The following ASIC2 variants were observed in gnomAD, a reference collection of about 807,000 sequenced individuals.
ASIC2 encodes the protein acid sensing ion channel subunit 2.
In ASIC2, 25 loss-of-function variants were observed where a neutral mutation model predicts 57.3. That is an observed-to-expected ratio of 0.44 (90% CI 0.32 to 0.61). The LOEUF is 0.61. Ranked by LOEUF, ASIC2 falls within the 20% of genes least tolerant of loss-of-function variation. The pLI is 0.06. For missense variants in ASIC2, 641 were observed against 738.1 expected, an observed-to-expected ratio of 0.87 and a Z score of 1.52; for synonymous variants, 319 against 307.5, an observed-to-expected ratio of 1.04 and a Z score of -0.39.
At chr17:33,232,446 A>AAAGGT in intron 1 of ASIC2, among the ~76,000 whole-genome samples, 1 of 128,034 alleles carries the variant, frequency 7.8e-6, no homozygotes, top group Admixed American at 7.7e-5. Context: ...TATGGTATGG[A>AAAGGT]ATGGTATGGT....
At chr17:33,119,314 C>T (rs747206442) in intron 1 of ASIC2, among the ~76,000 whole-genome samples, 11 of 152,294 alleles carry the variant, frequency 7.2e-5, no homozygotes, top group Admixed American at 2.6e-4. Context: ...GAGTCAATTC[C>T]GCTTTCTTCT....
intron 1 of ASIC2, among the ~76,000 whole-genome samples, chr17:34,050,285 G>A (rs1214898980): frequency 2.0e-5 from 3 of 152,150 alleles, no homozygotes; most frequent in Non-Finnish European, 4.4e-5. Flanking sequence ...GCAGAAAACG[G>A]AGCTATTTTT....
intron 4 of ASIC2, 32 bp from the exon 5 acceptor site, chr17:33,026,014 C>T (rs763222664): frequency 4.4e-6 from 7 of 1,608,766 alleles, no homozygotes; most frequent in East Asian, 2.2e-5. Flanking sequence ...CAGAGTTACT[C>T]AGGCAGGAAC....
At chr17:34,142,098 C>G (rs557109682) in intron 1 of ASIC2, among the ~76,000 whole-genome samples, 1 of 152,304 alleles carries the variant, frequency 6.6e-6, no homozygotes, top group South Asian at 2.1e-4. Flanking sequence ...GCCATCTTGG[C>G]CCAAACTTTA....
chr17:33,967,209 A>G (rs569901870), intron 1 of ASIC2, among the ~76,000 whole-genome samples: 2 of 151,988 alleles, frequency 1.3e-5, no homozygotes, highest in South Asian at 2.1e-4. Context: ...ACCATTCCCT[A>G]TTACCCACCT....
intron 1 of ASIC2, among the ~76,000 whole-genome samples, chr17:33,899,173 G>T (rs920089630): frequency 1.9e-4 from 29 of 150,536 alleles, no homozygotes; most frequent in Non-Finnish European, 5.9e-5. Context: ...AAGAGAAGTT[G>T]TAAAAAAGTT....
chr17:33,025,999 C>T lies in ASIC2; in HGVS notation c.1139-17G>A, dbSNP rs759574448. 1 of 1,613,110 alleles carries T rather than the reference C, an allele frequency of 6.2e-7. No individual in the cohort carries two copies. The highest frequency in any genetic ancestry group is 8.5e-7 in the Non-Finnish European group (1 of 1,179,478). On this transcript the variant is annotated splice_polypyrimidine_tract_variant and intron_variant, in intron 4 of 9. Coordinates refer to ENST00000225823, the MANE Select transcript of ASIC2 (RefSeq NM_183377.2). ...GGGCATCCCCTGCAAAGAAGAAACACCAGACAGAGTTACTCAGGCAGGAAC... is the reference window on the plus strand; with the variant it reads ...GGGCATCCCCTGCAAAGAAGAAACATCAGACAGAGTTACTCAGGCAGGAAC...
chr17:33,088,374 C>T (rs562660069), intron 3 of ASIC2, among the ~76,000 whole-genome samples: 3 of 152,264 alleles, frequency 2.0e-5, no homozygotes, highest in Middle Eastern at 3.4e-3. Context: ...GCTGAGGTCC[C>T]CTCCCCAGCG....
intron 3 of ASIC2, among the ~76,000 whole-genome samples, chr17:33,066,123 C>T (rs2092042471): frequency 6.6e-6 from 1 of 152,178 alleles, no homozygotes; most frequent in African/African-American, 2.4e-5. Context: ...TCCAGCGAGT[C>T]CTTTCCCCGT....
intron 1 of ASIC2, among the ~76,000 whole-genome samples, chr17:33,869,369 C>T (rs1313828475): frequency 6.6e-6 from 1 of 152,162 alleles, no homozygotes; most frequent in African/African-American, 2.4e-5. Context: ...TCAAAACTGA[C>T]CCAGCAAGTC....
intron 1 of ASIC2, among the ~76,000 whole-genome samples, chr17:33,877,573 C>A (rs1178590138): frequency 6.6e-6 from 1 of 152,222 alleles, no homozygotes; most frequent in Non-Finnish European, 1.5e-5. Context: ...GGGCACCCGC[C>A]ATTGCCCAGG....
intron 3 of ASIC2, among the ~76,000 whole-genome samples, chr17:33,067,216 C>G (rs1360492377): frequency 6.6e-6 from 1 of 152,150 alleles, no homozygotes; most frequent in Non-Finnish European, 1.5e-5. Context: ...ATTCTACTTT[C>G]AAGGAAGGAT....
At chr17:33,799,893 C>T (rs1403685022) in intron 1 of ASIC2, among the ~76,000 whole-genome samples, 2 of 152,086 alleles carry the variant, frequency 1.3e-5, no homozygotes, top group South Asian at 2.1e-4. Flanking sequence ...CTATCTGGGT[C>T]CCCACAAATA....
Position 33,292,086 on chromosome 17 carries a change from G to A in ASIC2, c.30C>T (p.Pro10=), listed in dbSNP as rs1291927943. Residue 10 remains proline, a synonymous_variant, in exon 1 of 10, where the codon CCC becomes CCT. Coordinates refer to ENST00000225823, the MANE Select transcript of ASIC2 (RefSeq NM_183377.2). Reference sequence around the variant, plus strand: ...GTCCCGGGCCGGTGAGCGCGGCTGCGGGCAGCCCGGCTCCGCCAATCCGGC... The same window carrying A: ...GTCCCGGGCCGGTGAGCGCGGCTGCAGGCAGCCCGGCTCCGCCAATCCGGC... MSRIGGAGL[P]AAALTGPGRF... 1 of 1,055,178 alleles carries A rather than the reference G, an allele frequency of 9.5e-7. No individual in the cohort carries two copies. Among genetic ancestry groups the A allele is most frequent in the East Asian group, 7.6e-5 (1 of 13,180 alleles). 65.4% of individuals were successfully genotyped at this position (1,055,178 alleles called of 1,614,324 possible). A position where few individuals can be genotyped will look rare whatever the true frequency, so the allele number is the denominator to read the frequency against.
At chr17:33,136,161 T>A (rs979790389) in intron 1 of ASIC2, among the ~76,000 whole-genome samples, 10 of 152,236 alleles carry the variant, frequency 6.6e-5, no homozygotes, top group Non-Finnish European at 1.3e-4. Context: ...GGGGTGTGGA[T>A]GTGTCTGTGT....
chr17:33,914,453 G>A (rs1185332917), intron 1 of ASIC2, among the ~76,000 whole-genome samples: 1 of 152,192 alleles, frequency 6.6e-6, no homozygotes, highest in Admixed American at 6.5e-5. Flanking sequence ...ACCCAGTTCA[G>A]TCTCAGGGGA....
At chr17:33,166,703 A>G (rs1905318100) in intron 1 of ASIC2, among the ~76,000 whole-genome samples, 1 of 152,214 alleles carries the variant, frequency 6.6e-6, no homozygotes, top group Non-Finnish European at 1.5e-5. Context: ...GTACAGTGAG[A>G]GTCCAGACCA....
chr17:34,134,706 T>TGG (rs1912081293), intron 1 of ASIC2, among the ~76,000 whole-genome samples: 1 of 152,198 alleles, frequency 6.6e-6, no homozygotes, highest in African/African-American at 2.4e-5. Flanking sequence ...AATCTGTTTC[T>TGG]ATTTGCGCCA....
In ASIC2 at chr17:33,803,366, G is replaced by T. The variant is rs1208361240; in HGVS notation, c.555+352612C>A. ...ATATGTGTGGGTGGGTGGGGGGTTT[G>T]GTTGGGGGAGAGATTTGCATACATG... On this transcript the variant is annotated intron_variant, in intron 1 of 9. Coordinates refer to the ASIC2 transcript ENST00000359872. 3.9e-5 allele frequency among the ~76,000 whole-genome samples: 6 copies of T among 151,950 alleles called. No individual in the cohort carries two copies. In the South Asian group the frequency reaches 1.2e-3, roughly 32 times the overall value.
Sources: allele counts gnomAD v4.1 joint callset (sites outside exome capture counted in the v4.1 genomes callset), GRCh38; gene constraint gnomAD v4.1.1; transcripts MANE v1.5; gene names NCBI Gene and HGNC (gene_info 2026-07-23, HGNC 2026-07-21).